HDLBP: variants seen among roughly 807,000 people sequenced by gnomAD.
HDLBP encodes vigilin.
HDLBP carries 30 observed loss-of-function variants against 137.3 expected under a neutral mutation model. The observed-to-expected ratio is 0.22, with a 90% CI of 0.16 to 0.30. HDLBP has a LOEUF of 0.30. Ranked by LOEUF, HDLBP falls within the 10% of genes least tolerant of loss-of-function variation. The probability of loss-of-function intolerance (pLI) is 1.00; values close to 1 mark genes in which losing one functional copy is unlikely to be tolerated. For synonymous variants in HDLBP, 606 were observed against 596.0 expected, an observed-to-expected ratio of 1.02 and a Z score of -0.24; for missense variants, 1,119 against 1,667.3, an observed-to-expected ratio of 0.67 and a Z score of 5.73.
chr2:241,274,882 C>A (rs915468186), intron 1 of HDLBP, among the ~76,000 whole-genome samples: 1 of 151,990 alleles, frequency 6.6e-6, no homozygotes, highest in Non-Finnish European at 1.5e-5. Context: ...CTCAAAGGGA[C>A]GGGGGAGAAG....
chr2:241,238,631 G>C lies in HDLBP; in HGVS notation c.2749+18C>G. ...GCGCCACTATTAACAAGCAGAGCAG[G>C]GCTAATGGGGGACCCACCTGCGTTC... On this transcript the variant is annotated intron_variant, in intron 20 of 27. Transcript: ENST00000310931. The surrounding 1 kb of genome is among the most constrained non-coding windows in gnomAD (Gnocchi z 4.9). The C allele has an allele frequency of 4.5e-6, 7 of 1,539,468 alleles. No individual in the cohort carries two copies. Among genetic ancestry groups the C allele is most frequent in the Non-Finnish European group, 6.2e-6 (7 of 1,133,518 alleles).
intron 1 of HDLBP, among the ~76,000 whole-genome samples, chr2:241,278,182 C>T (rs570764804): frequency 1.3e-4 from 20 of 152,218 alleles, no homozygotes; most frequent in African/African-American, 4.6e-4. Flanking sequence ...AATATTATCA[C>T]GATGAAGTTT....
Position 241,235,244 on chromosome 2 carries a change from A to G in HDLBP, c.3021T>C (p.His1007=), listed in dbSNP as rs146752448. The G allele has an allele frequency of 2.5e-6, 4 of 1,614,200 alleles. No homozygotes were observed. The highest frequency in any genetic ancestry group is 2.2e-5 in the East Asian group (1 of 44,886). The change falls in exon 23 of 28, where the codon CAT becomes CAC. Residue 1007 remains histidine (H), a synonymous_variant. Coordinates refer to ENST00000310931, the MANE Select transcript of HDLBP (RefSeq NM_005336.6). ...CAGACTGCAGCTCAGGTGCCGGGAC[A>G]TGTATGTTCACCTACGTGAAGAGGG... is the stretch of plus-strand genomic sequence containing the variant. ...KMMDEFEVNI[H]VPAPELQSDI...
chr2:241,268,377 G>C (rs1480373588), intron 2 of HDLBP, 100 bp downstream of exon 2: 3 of 760,096 alleles, frequency 3.9e-6, no homozygotes, highest in Non-Finnish European at 4.8e-6. Context: ...GTGATATAAA[G>C]AAAGAAGGTA....
intron 1 of HDLBP, among the ~76,000 whole-genome samples, chr2:241,301,268 T>C (rs2149694003): frequency 6.6e-6 from 1 of 152,062 alleles, no homozygotes; most frequent in East Asian, 1.9e-4. Flanking sequence ...ATTACAGGCA[T>C]GAGCCACTGC....
chr2:241,256,573 G>A lies in HDLBP; in HGVS notation c.657+27C>T, dbSNP rs905583787. 3.1e-6 allele frequency: 5 copies of A among 1,607,838 alleles called. No individual in the cohort carries two copies. The African/African-American group carries it at 5.3e-5, about 17-fold the overall frequency. On this transcript the variant is annotated intron_variant, in intron 6 of 27. Coordinates refer to ENST00000310931, the MANE Select transcript of HDLBP (RefSeq NM_005336.6). ...AGGTCTGCACAAGCAGGTAGGCAGG[G>A]GCACGAGGCACTCACACAGGCCTCA...
chr2:241,264,502 G>T lies in HDLBP; in HGVS notation c.180C>A (p.Pro60=), dbSNP rs754569913. The T allele has an allele frequency of 6.2e-7, 1 of 1,612,422 alleles. No individual in the cohort carries two copies. Among genetic ancestry groups the T allele is most frequent in the East Asian group, 2.2e-5 (1 of 44,870 alleles). Residue 60 remains proline (P), a synonymous_variant, in exon 4 of 28, where the codon CCC becomes CCA. Transcript: ENST00000310931. ...KAACLESAQE[P]AGAWGNKIRP... ...GGATCTTGTTCCCCCAGGCTCCAGC[G>T]GGTTCCTGGGCACTTTCCAGGCAAG...
chr2:241,299,725 C>T (rs1220697044), intron 1 of HDLBP, among the ~76,000 whole-genome samples: 1 of 151,956 alleles, frequency 6.6e-6, no homozygotes, highest in Non-Finnish European at 1.5e-5. Flanking sequence ...ATCATCCTGG[C>T]TAACACGGTG....
In HDLBP at chr2:241,235,196, G is replaced by T; in HGVS notation, c.3069C>A (p.Leu1023=). Reference sequence around the variant, plus strand: ...CCTTGGCCCGGTCCAAATTTGCAGCGAGGCCCGTGATGGCGATGATGTCAG... The same window carrying T: ...CCTTGGCCCGGTCCAAATTTGCAGCTAGGCCCGTGATGGCGATGATGTCAG... ...LQSDIIAITG[L]AANLDRAKAG... The change falls in exon 23 of 28, where the codon CTC becomes CTA. Residue 1023 remains leucine (L), a synonymous_variant. Transcript: ENST00000310931. The T allele has an allele frequency of 6.2e-7, 1 of 1,614,200 alleles. No individual in the cohort carries two copies. Among genetic ancestry groups the T allele is most frequent in the Non-Finnish European group, 8.5e-7 (1 of 1,180,044 alleles).
chr2:241,300,008 G>A (rs759240077), intron 1 of HDLBP, among the ~76,000 whole-genome samples: 20 of 152,276 alleles, frequency 1.3e-4, no homozygotes, highest in Non-Finnish European at 2.2e-4. Context: ...ATGTAGCAAA[G>A]CATATTGTCA....
In HDLBP at chr2:241,264,617, A is replaced by C. The variant is rs757914803; in HGVS notation, c.77-12T>G. 3.7e-6 allele frequency: 6 copies of C among 1,612,146 alleles called. No individual in the cohort carries two copies. The South Asian group carries it at 6.6e-5, about 18-fold the overall frequency. ...ATTTAGAGTGGCAACTGGACCAGCC[A>C]ACACAGATTAAAAGGAAGCACTACT... On this transcript the variant is annotated splice_polypyrimidine_tract_variant and intron_variant, in intron 3 of 27. Transcript: ENST00000310931.
intron 21 of HDLBP, chr2:241,236,372 A>G (rs2070440111): frequency 3.7e-6 from 2 of 546,512 alleles, no homozygotes; most frequent in African/African-American, 1.9e-5. Flanking sequence ...GAGAGGCCGG[A>G]TCCCATGCAG....
At chr2:241,235,621 C>G (rs2070311022) in intron 21 of HDLBP, 27 bp from the exon 22 acceptor site, 1 of 1,532,030 alleles carries the variant, frequency 6.5e-7, no homozygotes, top group African/African-American at 1.4e-5. Context: ...CATGGTTAGG[C>G]CGTGGGAGCT....
intron 2 of HDLBP, 87 bp downstream of exon 2, chr2:241,268,390 C>T (rs1441577068): frequency 2.0e-5 from 17 of 853,466 alleles, no homozygotes; most frequent in Non-Finnish European, 2.4e-5. Context: ...AGAAGGTACA[C>T]ACAGGACTAA....
chr2:241,258,829 A>G (rs140775215), intron 5 of HDLBP, among the ~76,000 whole-genome samples: 1 of 152,326 alleles, frequency 6.6e-6, no homozygotes, highest in East Asian at 1.9e-4. Flanking sequence ...ACATCGGCTA[A>G]AACCCAAGAA....
intron 1 of HDLBP, among the ~76,000 whole-genome samples, chr2:241,308,962 C>T (rs1004323614): frequency 1.3e-5 from 2 of 152,164 alleles, no homozygotes; most frequent in African/African-American, 4.8e-5. Context: ...TCCTGCTCCA[C>T]ACTGGTCTAA....
At chr2:241,302,198 C>T (rs1028204580) in intron 1 of HDLBP, among the ~76,000 whole-genome samples, 1 of 152,054 alleles carries the variant, frequency 6.6e-6, no homozygotes, top group African/African-American at 2.4e-5. Flanking sequence ...TTCGAGACTG[C>T]AGTGAGCTAT....
intron 5 of HDLBP, among the ~76,000 whole-genome samples, chr2:241,260,929 A>G (rs6437251): frequency 0.8 from 121,595 of 152,106 alleles, 48,771 homozygotes; most frequent in East Asian, 0.95. Flanking sequence ...GGTGGCTCAC[A>G]CCTGTAATTC....
At chr2:241,234,723 C>A (rs979102975) in intron 23 of HDLBP, among the ~76,000 whole-genome samples, 3 of 152,186 alleles carry the variant, frequency 2.0e-5, no homozygotes, top group African/African-American at 7.2e-5. Context: ...TCCCTGCTTA[C>A]CAGGAAGTCA....
Sources: allele counts gnomAD v4.1 joint callset (sites outside exome capture counted in the v4.1 genomes callset), GRCh38; gene constraint gnomAD v4.1.1; non-coding constraint Gnocchi (gnomAD v3.1); transcripts MANE v1.5; gene names NCBI Gene and HGNC (gene_info 2026-07-23, HGNC 2026-07-21).